ATM: variants seen among roughly 807,000 people sequenced by gnomAD.
ATM encodes serine-protein kinase ATM.
ATM carries 308 observed loss-of-function variants against 387.0 expected under a neutral mutation model. The ratio of observed to expected loss-of-function variants is 0.80; its 90% CI spans 0.73 to 0.87. ATM has a LOEUF of 0.87. Ranked by LOEUF, ATM falls within the 40% of genes least tolerant of loss-of-function variation. ATM has a pLI of 0.00. For missense variants in ATM, 3,312 were observed against 3,560.9 expected, an observed-to-expected ratio of 0.93 and a Z score of 1.78; for synonymous variants, 1,156 against 1,187.3, an observed-to-expected ratio of 0.97 and a Z score of 0.54.
intron 37 of ATM, among the ~76,000 whole-genome samples, chr11:108,307,503 C>T (rs2083782184): frequency 6.6e-6 from 1 of 152,128 alleles, no homozygotes; most frequent in Admixed American, 6.6e-5. Context: ...CTCTGCTAAG[C>T]TTCTGTAGCA....
intron 61 of ATM, among the ~76,000 whole-genome samples, chr11:108,357,493 G>C (rs1427130995): frequency 6.6e-6 from 1 of 152,202 alleles, no homozygotes; most frequent in East Asian, 1.9e-4. Context: ...CTGGGGGCAG[G>C]GCACAGACAA....
At position 108,254,242 on chromosome 11, in the gene ATM, G is replaced by A. The variant is rs56153702; in HGVS notation, c.2124+203G>A. Among the ~76,000 whole-genome samples, 25 of 152,254 alleles carry A rather than the reference G, an allele frequency of 1.6e-4. No individual in the cohort carries two copies. In the East Asian group the frequency reaches 4.6e-3, roughly 28 times the overall value. ...GAATAATAATTTGAGTACTTCCTTT[G>A]TACTGGAAATTATGGTAGACATAAA... On this transcript the variant is annotated intron_variant, in intron 13 of 62. Coordinates refer to ENST00000675843, the MANE Select transcript of ATM (RefSeq NM_000051.4).
chr11:108,301,903 T>C, intron 35 of ATM, 114 bp downstream of exon 35: 2 of 1,127,290 alleles, frequency 1.8e-6, no homozygotes, highest in Non-Finnish European at 2.6e-6. Context: ...CTATTAACCT[T>C]TCCTATAAGT....
At chr11:108,340,998 C>T (rs1426764463) in intron 56 of ATM, among the ~76,000 whole-genome samples, 1 of 152,042 alleles carries the variant, frequency 6.6e-6, no homozygotes, top group Non-Finnish European at 1.5e-5. Flanking sequence ...AGAGGGCCAG[C>T]TGTATTCCAT....
rs771781881 is a variant in ATM at position 108,343,265 on chromosome 11, C to G, written c.8312C>G (p.Thr2771Arg). The change falls in exon 57 of 63, where the codon ACA (threonine) becomes AGA (arginine). Residue 2771 changes from threonine to arginine, a missense_variant. Physicochemically the swap from Thr to Arg is moderately conservative, Grantham distance 71. This residue lies in a region of ATM where 1,405 missense variants were observed against 1,604.4 expected (regional missense o/e 0.88). Transcript: ENST00000675843. ...SQRSGVLEWC[T>R]GTVPIGEFLV... ...CGAAGTGGTGTTCTTGAATGGTGCA[C>G]AGGAACTGTCCCCATTGGTGAATTT... 3 of 1,613,950 alleles carry G rather than the reference C, an allele frequency of 1.9e-6. No homozygotes were observed. The highest frequency in any genetic ancestry group is 2.5e-6 in the Non-Finnish European group (3 of 1,179,904).
At chr11:108,301,547 CAAATTTT>C in intron 34 of ATM, 94 bp from the exon 35 acceptor site, 1 of 1,439,508 alleles carries the variant, frequency 6.9e-7, no homozygotes, top group South Asian at 1.2e-5. Context: ...TTTCCTAATA[CAAATTTT>C]AAATTTTAGT....
At chr11:108,240,516 C>T (rs1429597679) in intron 5 of ATM, among the ~76,000 whole-genome samples, 1 of 152,194 alleles carries the variant, frequency 6.6e-6, no homozygotes, top group Non-Finnish European at 1.5e-5. Flanking sequence ...TAACACTACG[C>T]ACCTAAGCTA....
intron 26 of ATM, among the ~76,000 whole-genome samples, chr11:108,286,558 G>A (rs985460527): frequency 6.6e-5 from 10 of 152,146 alleles, no homozygotes; most frequent in African/African-American, 2.2e-4. Context: ...TCTGTAATCA[G>A]TCTGATTGGT....
intron 1 of ATM, chr11:108,226,686 GTC>G (rs2078755071): frequency 1.3e-5 from 2 of 151,880 alleles, no homozygotes; most frequent in Non-Finnish European, 2.9e-5. Flanking sequence ...AAAATGACAT[GTC>G]TCTCCATATA....
rs587779839 is a variant in ATM, at chr11:108,289,688, A to T, written c.4323A>T (p.Ile1441=). ...ATAAGAAGCACAGAATTCTTAAAAT[A>T]TATCACCTGTTTGTTAGTTTATTAC... ...NVYKKHRILK[I]YHLFVSLLLK... Residue 1441 remains isoleucine, a synonymous_variant, in exon 29 of 63, where the codon ATA becomes ATT. Coordinates refer to ENST00000675843, the MANE Select transcript of ATM (RefSeq NM_000051.4). 1.9e-6 allele frequency: 3 copies of T among 1,613,580 alleles called. No homozygotes were observed. Among genetic ancestry groups the T allele is most frequent in the East Asian group, 2.2e-5 (1 of 44,846 alleles).
intron 16 of ATM, among the ~76,000 whole-genome samples, chr11:108,260,765 G>C (rs1012792326): frequency 1.3e-5 from 2 of 151,904 alleles, no homozygotes; most frequent in African/African-American, 2.4e-5. Flanking sequence ...GACAGTGGGC[G>C]CAGGTCAGTG....
intron 40 of ATM, among the ~76,000 whole-genome samples, chr11:108,314,212 C>T (rs1277494391): frequency 6.6e-6 from 1 of 151,982 alleles, no homozygotes. Context: ...GCCTCCCAGG[C>T]TCAAGCCATC....
Position 108,326,238 on chromosome 11 carries a change from T to G in ATM, c.6975+13T>G. ...CAGCTGTGCAGCGGTTTGTTTTTTT[T>G]ATTGGCTGGATTAGTGTTTTACTGT... On this transcript the variant is annotated intron_variant, in intron 47 of 62. Coordinates refer to ENST00000675843, the MANE Select transcript of ATM (RefSeq NM_000051.4). 6.2e-7 allele frequency: 1 copy of G among 1,614,090 alleles called. No individual in the cohort carries two copies. The highest frequency in any genetic ancestry group is 8.5e-7 in the Non-Finnish European group (1 of 1,180,006).
rs1555067285 is a variant in ATM, at chr11:108,244,997, A to G, written c.872A>G (p.His291Arg). 8 of 1,611,482 alleles carry G rather than the reference A, an allele frequency of 5.0e-6. No homozygotes were observed. Among genetic ancestry groups the G allele is most frequent in the Non-Finnish European group, 6.8e-6 (8 of 1,179,554 alleles). ...ELFQLQIYIH[H>R]PKGAKTQEKG... ...TTTCAACTGCAAATTTATATCCATC[A>G]TCCGAAAGGAGCCAAAACCCAAGAA... Residue 291 changes from histidine (H) to arginine (R), a missense_variant, in exon 7 of 63, where the codon CAT becomes CGT. His to Arg is a conservative substitution (Grantham distance 29). Around this residue, in one of 4 missense-constraint regions of ATM, gnomAD observed 1,791 missense variants for 1,804.5 expected, o/e 0.99. Coordinates refer to ENST00000675843, the MANE Select transcript of ATM (RefSeq NM_000051.4).
At chr11:108,269,318 C>G (rs1029842031) in intron 18 of ATM, among the ~76,000 whole-genome samples, 1 of 151,804 alleles carries the variant, frequency 6.6e-6, no homozygotes, top group African/African-American at 2.4e-5. Context: ...AGTACAGGTC[C>G]CTTGCTCTGA....
intron 34 of ATM, 85 bp downstream of exon 34, chr11:108,299,970 A>T: frequency 1.5e-6 from 2 of 1,316,782 alleles, no homozygotes; most frequent in Non-Finnish European, 2.2e-6. Flanking sequence ...ATTCTCAGTA[A>T]CTAAAGCTTT....
At chr11:108,320,547 A>G (rs1462668197) in intron 44 of ATM, among the ~76,000 whole-genome samples, 1 of 152,262 alleles carries the variant, frequency 6.6e-6, no homozygotes, top group South Asian at 2.1e-4. Context: ...TTAAGTGCCT[A>G]TGATATGCTA....
intron 61 of ATM, among the ~76,000 whole-genome samples, chr11:108,358,461 T>C (rs1404814147): frequency 6.6e-6 from 1 of 150,852 alleles, no homozygotes; most frequent in Non-Finnish European, 1.5e-5. Context: ...AAAGATACTC[T>C]TTGAGAAGAG....
intron 45 of ATM, among the ~76,000 whole-genome samples, chr11:108,324,975 C>T (rs2085500553): frequency 6.6e-6 from 1 of 152,090 alleles, no homozygotes; most frequent in South Asian, 2.1e-4. Context: ...AAGATGGAGG[C>T]ATTCTTTATG....
Sources: gnomAD v4.1 joint callset for allele counts (sites outside exome capture counted in the v4.1 genomes callset) on GRCh38, gnomAD v4.1.1 for gene constraint, gnomAD v4.1.1 regional missense constraint, MANE v1.5 for transcripts, NCBI Gene and HGNC (gene_info 2026-07-23, HGNC 2026-07-21) for gene names.